Variants in SCN1A observed in about 807,000 individuals in gnomAD.
The protein encoded by SCN1A is sodium channel protein type 1 subunit alpha.
In SCN1A, 13 loss-of-function variants were observed where a neutral mutation model predicts 193.7. That is an observed-to-expected ratio of 0.07 (90% confidence interval 0.04 to 0.11). The LOEUF (loss-of-function observed/expected upper bound fraction) is 0.11. SCN1A is among the 10% of genes least tolerant of loss of function. SCN1A has a pLI of 1.00. For synonymous variants in SCN1A, 781 were observed against 843.6 expected, an observed-to-expected ratio of 0.93 and a Z score of 1.29; for missense variants, 1,432 against 2,451.1, an observed-to-expected ratio of 0.58 and a Z score of 8.78.
chr2:166,143,010 T>C (rs891491190), intron 1 of SCN1A, among the ~76,000 whole-genome samples: 2 of 152,196 alleles, frequency 1.3e-5, no homozygotes, highest in African/African-American at 2.4e-5. Flanking sequence ...CTCTTTCCTT[T>C]ATAAATTACC....
Position 166,036,431 on chromosome 2 carries a change from C to G in SCN1A, c.3046G>C (p.Val1016Leu). 2 of 1,606,894 alleles carry G rather than the reference C, an allele frequency of 1.2e-6. No individual in the cohort carries two copies. The highest frequency in any genetic ancestry group is 1.7e-6 in the Non-Finnish European group (2 of 1,177,900). The change falls in exon 19 of 29, where the codon GTG (valine) becomes CTG (leucine). Residue 1016 changes from valine (V) to leucine (L), a missense_variant. Transcript: ENST00000674923. ...GCTACTCCTTTGTGCATCCTATCCA[C>G]AGCAATTTGGAGATTATTCATTTCA... Reference protein sequence around the residue: ...DNEMNNLQIAVDRMHKGVAYV... With the variant: ...DNEMNNLQIALDRMHKGVAYV...
At chr2:166,003,845 A>C (rs2105519316) in intron 23 of SCN1A, among the ~76,000 whole-genome samples, 1 of 145,886 alleles carries the variant, frequency 6.9e-6, no homozygotes, top group African/African-American at 2.5e-5. Context: ...ATGCCAGTGT[A>C]TTTTTAGAAC....
intron 8 of SCN1A, 65 bp downstream of exon 8, chr2:166,052,787 T>G: frequency 7.9e-7 from 1 of 1,271,774 alleles, no homozygotes; most frequent in South Asian, 1.2e-5. Context: ...TAAAACTGAA[T>G]GTCAAGCAGA....
rs1465188785 is a variant in SCN1A at position 165,994,491 on chromosome 2, T to C, written c.4582-75A>G. On this transcript the variant is annotated intron_variant, in intron 27 of 28. Transcript: ENST00000674923. ...CATTAGCATTAAGTACTTTCTGCATTAATTGACTTTCTAGTTTCTTGCAAA... is the reference window on the plus strand; with the variant it reads ...CATTAGCATTAAGTACTTTCTGCATCAATTGACTTTCTAGTTTCTTGCAAA... 4 of 1,393,116 alleles carry C rather than the reference T, an allele frequency of 2.9e-6. No individual in the cohort carries two copies. In the African/African-American group the frequency reaches 5.7e-5, roughly 20 times the overall value. 86.3% of individuals were successfully genotyped at this position (1,393,116 alleles called of 1,614,324 possible).
At chr2:166,013,690 T>C in intron 21 of SCN1A, 54 bp downstream of exon 21, 1 of 1,505,658 alleles carries the variant, frequency 6.6e-7, no homozygotes, top group South Asian at 1.1e-5. Flanking sequence ...AAGTCATCAG[T>C]ATTAGAGTGT....
intron 19 of SCN1A, among the ~76,000 whole-genome samples, chr2:166,028,428 A>G (rs745685231): frequency 1.3e-5 from 2 of 152,146 alleles, no homozygotes; most frequent in Non-Finnish European, 2.9e-5. Context: ...TAACATACTT[A>G]ATAAGTGTCT....
At chr2:166,103,253 C>G (rs766998850) in intron 2 of SCN1A, among the ~76,000 whole-genome samples, 4 of 152,060 alleles carry the variant, frequency 2.6e-5, no homozygotes, top group Non-Finnish European at 5.9e-5. Context: ...GAGCTCAAGA[C>G]CAGTCTGGCC....
At chr2:166,049,552 A>G (rs1214707375) in intron 9 of SCN1A, among the ~76,000 whole-genome samples, 2 of 152,032 alleles carry the variant, frequency 1.3e-5, no homozygotes, top group Non-Finnish European at 2.9e-5. Flanking sequence ...AAAAAGTCTT[A>G]AATACTAAAG....
chr2:166,019,844 G>C (rs1395611795), intron 19 of SCN1A, among the ~76,000 whole-genome samples: 1 of 151,782 alleles, frequency 6.6e-6, no homozygotes, highest in African/African-American at 2.4e-5. Flanking sequence ...TTTCAACTTA[G>C]AGTTCCAACC....
intron 1 of SCN1A, among the ~76,000 whole-genome samples, chr2:166,135,039 G>A (rs1356667609): frequency 1.3e-5 from 2 of 152,096 alleles, no homozygotes; most frequent in Admixed American, 6.5e-5. Context: ...TCTTTCCTTT[G>A]CTCTTAAGTC....
In SCN1A at chr2:165,987,052, TGTTTA is replaced by T. The variant is rs1434034699; in HGVS notation, c.*4188_*4192del. ...TAATTTGATATTCCATCCAGAATTG[TGTTTA>T]GTTGTCATAGTTCTTTGACCTCATG... On this transcript the variant is annotated 3_prime_UTR_variant, in exon 29 of 29. Transcript: ENST00000674923. 3 of 152,118 alleles carry T rather than the reference TGTTTA, an allele frequency of 2.0e-5. No homozygotes were observed. The highest frequency in any genetic ancestry group is 1.3e-4 in the Admixed American group (2 of 15,266). The allele number at this position is 152,118 out of a possible 1,614,324, so 9.4% of individuals were successfully genotyped here. A position where few individuals can be genotyped will look rare whatever the true frequency, so the allele number is the denominator to read the frequency against.
intron 4 of SCN1A, among the ~76,000 whole-genome samples, chr2:166,066,417 G>A (rs1013020008): frequency 4.6e-5 from 7 of 152,078 alleles, no homozygotes; most frequent in South Asian, 2.1e-4. Flanking sequence ...CAATGGAGAA[G>A]ATTATACTAA....
chr2:166,037,106 A>G (rs901198003), intron 18 of SCN1A, among the ~76,000 whole-genome samples: 1 of 152,150 alleles, frequency 6.6e-6, no homozygotes, highest in Non-Finnish European at 1.5e-5. Context: ...GAATGTACAT[A>G]CCTTTAGAAT....
intron 3 of SCN1A, among the ~76,000 whole-genome samples, chr2:166,074,367 TG>T (rs1684784367): frequency 6.6e-6 from 1 of 151,556 alleles, no homozygotes; most frequent in Non-Finnish European, 1.5e-5. Context: ...TAGATGGAGG[TG>T]GGGGTGGAAG....
At chr2:166,008,588 T>C (rs1359830847) in intron 23 of SCN1A, among the ~76,000 whole-genome samples, 1 of 151,180 alleles carries the variant, frequency 6.6e-6, no homozygotes, top group Non-Finnish European at 1.5e-5. Context: ...ACTTGTATTA[T>C]ATTGTTCTGA....
At chr2:166,007,978 G>C (rs905402875) in intron 23 of SCN1A, among the ~76,000 whole-genome samples, 12 of 151,160 alleles carry the variant, frequency 7.9e-5, no homozygotes, top group Non-Finnish European at 1.8e-4. Context: ...ACTCTACAAT[G>C]CCAAACACGT....
intron 27 of SCN1A, among the ~76,000 whole-genome samples, chr2:165,995,371 G>A (rs567974872): frequency 1.1e-4 from 17 of 151,660 alleles, no homozygotes; most frequent in African/African-American, 4.1e-4. Context: ...TTATAGTGTG[G>A]GATAATAGCT....
intron 19 of SCN1A, among the ~76,000 whole-genome samples, chr2:166,019,912 C>CTTT (rs200535265): frequency 2.7e-4 from 36 of 134,496 alleles, no homozygotes; most frequent in Non-Finnish European, 3.3e-4. Context: ...AGGTGAACTT[C>CTTT]TTTTTTTTTT....
In SCN1A at chr2:166,045,082, G is replaced by A; in HGVS notation, c.1623C>T (p.Asn541=). The A allele has an allele frequency of 6.2e-7, 1 of 1,614,138 alleles. No individual in the cohort carries two copies. The highest frequency in any genetic ancestry group is 8.5e-7 in the Non-Finnish European group (1 of 1,180,012). The change falls in exon 13 of 29, where the codon AAC becomes AAT. Residue 541 remains asparagine, a synonymous_variant. Transcript: ENST00000674923. The part of the protein sequence containing the change: ...RKGFRFSIEG[N]RLTYEKRYSS... ...AGTACCTCTTTTCATATGTCAATCG[G>A]TTCCCTTCAATGGAGAAGCGAAAAC...
Sources: gnomAD v4.1 joint callset for allele counts (sites outside exome capture counted in the v4.1 genomes callset) on GRCh38, gnomAD v4.1.1 for gene constraint, MANE v1.5 for transcripts, NCBI Gene and HGNC (gene_info 2026-07-23, HGNC 2026-07-21) for gene names.